TANC1: variants seen among roughly 807,000 people sequenced by gnomAD.
TANC1 encodes the protein protein TANC1.
Under a neutral mutation model 149.7 loss-of-function variants are expected in TANC1, and 77 were observed. The observed-to-expected ratio is 0.51, with a 90% CI of 0.43 to 0.62. The LOEUF (loss-of-function observed/expected upper bound fraction) is 0.62. Ranked by LOEUF, TANC1 falls within the 20% of genes least tolerant of loss-of-function variation. The pLI is 0.00. For synonymous variants in TANC1, 854 were observed against 925.0 expected (o/e 0.92, Z 1.39); for missense variants, 1,985 against 2,321.8 (o/e 0.85, Z 2.98).
At chr2:159,095,450 A>G (rs74267600) in intron 3 of TANC1, among the ~76,000 whole-genome samples, 24,638 of 152,048 alleles carry the variant, frequency 0.16, 2,721 homozygotes, top group East Asian at 0.47. Flanking sequence ...AAAGTAAGGC[A>G]TGTGCTGGCC....
chr2:159,225,570 T>G, intron 23 of TANC1, 118 bp from the exon 24 acceptor site: 1 of 754,600 alleles, frequency 1.3e-6, no homozygotes, highest in East Asian at 2.6e-5. Flanking sequence ...CTCATCGTGC[T>G]GTGGTCCTTG....
At chr2:159,041,498 C>T (rs1574290534) in intron 2 of TANC1, among the ~76,000 whole-genome samples, 1 of 152,308 alleles carries the variant, frequency 6.6e-6, no homozygotes, top group South Asian at 2.1e-4. Context: ...ATGGTGGATG[C>T]CCCTCCCCCA....
intron 21 of TANC1, 90 bp from the exon 22 acceptor site, chr2:159,219,601 CA>C: frequency 6.6e-7 from 1 of 1,508,796 alleles, no homozygotes. Flanking sequence ...ACACTTGGTT[CA>C]GGCCGGGTGT....
At chr2:159,042,456 C>T (rs1312310620) in intron 2 of TANC1, among the ~76,000 whole-genome samples, 1 of 152,048 alleles carries the variant, frequency 6.6e-6, no homozygotes, top group African/African-American at 2.4e-5. Context: ...CACAGGAGCT[C>T]CTTGTTGGAA....
intron 2 of TANC1, among the ~76,000 whole-genome samples, chr2:159,003,483 A>G (rs570912280): frequency 3.3e-5 from 5 of 152,304 alleles, no homozygotes; most frequent in African/African-American, 1.2e-4. Flanking sequence ...GCACTCTAAT[A>G]AAGGAACTTC....
intron 2 of TANC1, among the ~76,000 whole-genome samples, chr2:159,050,277 A>G (rs898831839): frequency 3.9e-5 from 6 of 152,156 alleles, no homozygotes; most frequent in African/African-American, 1.4e-4. Context: ...GCTAATTAAA[A>G]AAAAATTTTT....
At chr2:159,179,994 G>A (rs1282604847) in intron 14 of TANC1, among the ~76,000 whole-genome samples, 2 of 152,204 alleles carry the variant, frequency 1.3e-5, no homozygotes, top group African/African-American at 4.8e-5. Context: ...AACAGGGCTG[G>A]CAAGCTGCTC....
intron 19 of TANC1, among the ~76,000 whole-genome samples, chr2:159,209,376 C>T (rs1019035302): frequency 5.3e-5 from 8 of 152,222 alleles, no homozygotes; most frequent in African/African-American, 1.7e-4. Context: ...GCCTTCCCCT[C>T]GCTCAGAGAC....
intron 2 of TANC1, among the ~76,000 whole-genome samples, chr2:159,042,432 G>A (rs921518281): frequency 1.3e-5 from 2 of 152,146 alleles, no homozygotes; most frequent in Non-Finnish European, 2.9e-5. Context: ...CAGGGAGATA[G>A]GCTCTGGGTC....
intron 1 of TANC1, among the ~76,000 whole-genome samples, chr2:158,980,572 T>C (rs566188364): frequency 1.3e-5 from 2 of 152,112 alleles, no homozygotes; most frequent in Admixed American, 6.5e-5. Flanking sequence ...GTCAGGAGAT[T>C]GAGACCATCC....
chr2:159,070,605 G>C (rs186094797), intron 3 of TANC1, among the ~76,000 whole-genome samples: 4 of 152,148 alleles, frequency 2.6e-5, no homozygotes, highest in African/African-American at 9.7e-5. Flanking sequence ...AAGAGAAAGT[G>C]CTTAAAGGAA....
At chr2:159,051,656 TG>T (rs1258966832) in intron 2 of TANC1, among the ~76,000 whole-genome samples, 5 of 122,972 alleles carry the variant, frequency 4.1e-5, no homozygotes, top group African/African-American at 2.0e-4. Flanking sequence ...GGTGTTTGTG[TG>T]TGTGTGTGTG....
chr2:159,043,515 A>C (rs1233226351), intron 2 of TANC1, among the ~76,000 whole-genome samples: 1 of 152,156 alleles, frequency 6.6e-6, no homozygotes, highest in Non-Finnish European at 1.5e-5. Context: ...CTTAAAGTAA[A>C]TCATTATCTT....
chr2:159,148,261 A>G (rs1235710628), intron 5 of TANC1: 1 of 152,232 alleles, frequency 6.6e-6, no homozygotes, highest in Non-Finnish European at 1.5e-5. Flanking sequence ...AGAAGGTGAG[A>G]GACGTGTTAG....
intron 2 of TANC1, among the ~76,000 whole-genome samples, chr2:159,058,865 A>G (rs907760966): frequency 1.3e-5 from 2 of 152,234 alleles, no homozygotes; most frequent in Non-Finnish European, 2.9e-5. Flanking sequence ...TTCCTGAAAC[A>G]ACCTGTATGA....
chr2:159,020,075 C>T (rs17205728), intron 2 of TANC1, among the ~76,000 whole-genome samples: 3,771 of 152,240 alleles, frequency 0.025, 68 homozygotes, highest in Middle Eastern at 0.058. Context: ...TGTTTCATTA[C>T]GGACTCCTTT....
At chr2:158,969,818 G>A (rs1370219280) in intron 1 of TANC1, among the ~76,000 whole-genome samples, 1 of 152,234 alleles carries the variant, frequency 6.6e-6, no homozygotes, top group African/African-American at 2.4e-5. Flanking sequence ...GCTCGGCAAC[G>A]GCCTTCTCCC....
rs560967974 is a variant in TANC1 at position 159,214,865 on chromosome 2, G to C, written c.3245-2632G>C. Among the ~76,000 whole-genome samples the C allele has an allele frequency of 2.0e-5, 3 of 152,302 alleles. No homozygotes were observed. The South Asian group carries it at 6.2e-4, about 32-fold the overall frequency. ...AGAGCCCTTTAAATGCATTTTTCTG[G>C]AGAAATGTGGTGGCCTCCTTTCTGA... On this transcript the variant is annotated intron_variant, in intron 19 of 26. Coordinates refer to ENST00000263635, the MANE Select transcript of TANC1 (RefSeq NM_033394.3).
In TANC1 at chr2:159,219,855, C is replaced by T. The variant is rs775378148; in HGVS notation, c.3666C>T (p.Gly1222=). ...RTPLDLAAFY[G]DAETVLYLVE... is the part of the protein sequence containing the mutation. The stretch of plus-strand genomic sequence containing the variant: ...CCTTGGACCTGGCTGCCTTCTATGG[C>T]GATGCCGAGACTGTGAGTACCAGCA... Residue 1222 remains glycine, a synonymous_variant, in exon 22 of 27, where the codon GGC becomes GGT. Coordinates refer to ENST00000263635, the MANE Select transcript of TANC1 (RefSeq NM_033394.3). The T allele has an allele frequency of 2.0e-5, 33 of 1,612,902 alleles. No homozygotes were observed. The highest frequency in any genetic ancestry group is 8.9e-5 in the East Asian group (4 of 44,892).
Sources: gnomAD v4.1 joint callset for allele counts (sites outside exome capture counted in the v4.1 genomes callset) on GRCh38, gnomAD v4.1.1 for gene constraint, MANE v1.5 for transcripts, NCBI Gene and HGNC (gene_info 2026-07-23, HGNC 2026-07-21) for gene names.